SGK1: variants seen among roughly 807,000 people sequenced by gnomAD.
SGK1 encodes the protein serine/threonine-protein kinase Sgk1.
Under a neutral mutation model 64.2 loss-of-function variants are expected in SGK1, and 26 were observed. The observed-to-expected ratio is 0.40, with a 90% CI of 0.30 to 0.56. The LOEUF is 0.56. Ranked by LOEUF, SGK1 falls within the 20% of genes least tolerant of loss-of-function variation. The pLI is 0.38. For synonymous variants in SGK1, 265 were observed against 239.7 expected (o/e 1.11, Z -0.98); for missense variants, 519 against 645.6 (o/e 0.80, Z 2.12).
chr6:134,272,204 G>A (rs1317175082), intron 1 of SGK1, among the ~76,000 whole-genome samples: 2 of 140,516 alleles, frequency 1.4e-5, no homozygotes, highest in Non-Finnish European at 3.1e-5. Context: ...GCAGTAGTAT[G>A]ATCTCAGCTC....
Position 134,172,689 on chromosome 6 carries a change from T to G in SGK1, c.920A>C (p.Tyr307Ser). ...ATAAACGATGTTCAGTGAATGCAGG[T>G]AGCCCAAGGCACTGGCTATTTCAGC... Reference protein sequence around the residue: ...YAAEIASALGYLHSLNIVYRD... With the variant: ...YAAEIASALGSLHSLNIVYRD... The change falls in exon 9 of 14, where the codon TAC (tyrosine) becomes TCC (serine). Residue 307 changes from tyrosine to serine, a missense_variant. This residue lies in a region of SGK1 where 278 missense variants were observed against 408.7 expected (regional missense o/e 0.68). Transcript: ENST00000367858. 1 of 1,613,406 alleles carries G rather than the reference T, an allele frequency of 6.2e-7. No individual in the cohort carries two copies. The highest frequency in any genetic ancestry group is 8.5e-7 in the Non-Finnish European group (1 of 1,179,296).
Position 134,225,351 on chromosome 6 carries a change from G to A in SGK1, c.286-17920C>T, listed in dbSNP as rs1321970162. 2.5e-3 allele frequency among the ~76,000 whole-genome samples: 249 copies of A among 97,824 alleles called. 3 individuals carry two copies. Among genetic ancestry groups the A allele is most frequent in the African/African-American group, 7.7e-3 (223 of 28,844 alleles). 64.2% of individuals were successfully genotyped at this position (97,824 alleles called of 152,430 possible). Reference sequence around the variant, plus strand: ...GGGTGACAGAGCGAGACTCCATCTCGGAAAAAAAAAAAAAAAAGAAAAGAA... The same window carrying A: ...GGGTGACAGAGCGAGACTCCATCTCAGAAAAAAAAAAAAAAAAGAAAAGAA... On this transcript the variant is annotated intron_variant, in intron 2 of 13. Coordinates refer to ENST00000367858, the MANE Select transcript of SGK1 (RefSeq NM_001143676.3).
chr6:134,182,219 G>T (rs1295015697), intron 3 of SGK1, among the ~76,000 whole-genome samples: 1 of 152,098 alleles, frequency 6.6e-6, no homozygotes, highest in Non-Finnish European at 1.5e-5. Context: ...TGTATAGCGG[G>T]GAGAGTTATA....
chr6:134,174,988 T>C, intron 3 of SGK1: 1 of 1,240,372 alleles, frequency 8.1e-7, no homozygotes, highest in Non-Finnish European at 1.1e-6. Context: ...CCTCGCGGTT[T>C]GCTGGCGGCT....
intron 2 of SGK1, among the ~76,000 whole-genome samples, chr6:134,235,919 A>G (rs1196774429): frequency 6.6e-6 from 1 of 152,068 alleles, no homozygotes; most frequent in Non-Finnish European, 1.5e-5. Context: ...TAAACTGTGA[A>G]CAAGGTATTT....
chr6:134,235,815 T>A (rs1162111924), intron 2 of SGK1, among the ~76,000 whole-genome samples: 1 of 152,080 alleles, frequency 6.6e-6, no homozygotes, highest in Non-Finnish European at 1.5e-5. Flanking sequence ...CCTCAGGTGA[T>A]CCTCTCTCCT....
At chr6:134,233,950 A>T (rs1345829504) in intron 2 of SGK1, among the ~76,000 whole-genome samples, 1 of 152,232 alleles carries the variant, frequency 6.6e-6, no homozygotes, top group Non-Finnish European at 1.5e-5. Context: ...AATTTCTAGA[A>T]ATTCATCTTT....
chr6:134,207,228 G>A lies in SGK1; in HGVS notation c.361+128C>T, dbSNP rs1276657890. 29 of 663,138 alleles carry A rather than the reference G, an allele frequency of 4.4e-5. 1 individual carries two copies. The East Asian group carries it at 7.9e-4, about 18-fold the overall frequency. 41.1% of individuals were successfully genotyped at this position (663,138 alleles called of 1,614,324 possible). On this transcript the variant is annotated intron_variant, in intron 3 of 13. Transcript: ENST00000367858. ...GCAACAGAGCAAGACTCTGTCTCAAGAAAAACAAAAAACAAAAAACAAACA... is the reference window on the plus strand; with the variant it reads ...GCAACAGAGCAAGACTCTGTCTCAAAAAAAACAAAAAACAAAAAACAAACA...
At chr6:134,254,074 GTTTTCTGTCCTAGTCTCTCC>G (rs1218400155) in intron 2 of SGK1, among the ~76,000 whole-genome samples, 48 of 136,744 alleles carry the variant, frequency 3.5e-4, no homozygotes, top group African/African-American at 1.3e-3. Context: ...GGGCTACAGA[GTTTTCTGTCCTAGTCTCTCC>G]TTTTCTGTCC....
At chr6:134,170,716 T>A in intron 13 of SGK1, 110 bp downstream of exon 13, 2 of 801,050 alleles carry the variant, frequency 2.5e-6, no homozygotes, top group Non-Finnish European at 4.1e-6. Context: ...AACAGGTTTA[T>A]GGAGAAAACA....
rs1375222342 is a variant in SGK1, at chr6:134,291,263, G to C, written c.69+26129C>G. ...TTACTGTAGCAGAGCGGTGGATGTAGGCATTAGTTACACACTTAAAATAAA... is the reference window on the plus strand; with the variant it reads ...TTACTGTAGCAGAGCGGTGGATGTACGCATTAGTTACACACTTAAAATAAA... On this transcript the variant is annotated intron_variant, in intron 1 of 13. Coordinates refer to ENST00000367858, the MANE Select transcript of SGK1 (RefSeq NM_001143676.3). Among the ~76,000 whole-genome samples the C allele has an allele frequency of 3.3e-5, 5 of 152,232 alleles. No individual in the cohort carries two copies. In the East Asian group the frequency reaches 9.7e-4, roughly 29 times the overall value.
intron 1 of SGK1, among the ~76,000 whole-genome samples, chr6:134,313,455 T>C (rs755843753): frequency 9.9e-5 from 15 of 152,262 alleles, no homozygotes; most frequent in Non-Finnish European, 2.2e-4. Flanking sequence ...TTCATGAAGA[T>C]AAAACATGGT....
intron 2 of SGK1, among the ~76,000 whole-genome samples, chr6:134,222,663 T>C (rs913040198): frequency 6.6e-6 from 1 of 152,134 alleles, no homozygotes; most frequent in South Asian, 2.1e-4. Flanking sequence ...TGACTGGCTG[T>C]TTTCATCTTT....
intron 3 of SGK1, among the ~76,000 whole-genome samples, chr6:134,194,956 TAC>T (rs1775574900): frequency 6.6e-6 from 1 of 152,216 alleles, no homozygotes; most frequent in Non-Finnish European, 1.5e-5. Flanking sequence ...TAACTTTTGC[TAC>T]AGTTAAAATC....
At chr6:134,231,606 CAAAT>C (rs1285308318) in intron 2 of SGK1, among the ~76,000 whole-genome samples, 3 of 152,176 alleles carry the variant, frequency 2.0e-5, no homozygotes, top group Non-Finnish European at 2.9e-5. Flanking sequence ...TAATTTATCT[CAAAT>C]AAATAATTCA....
In SGK1 at chr6:134,259,100, C is replaced by T. The variant is rs78125886; in HGVS notation, c.285+2833G>A. ...CGATTGCAAATTGGAGAATGATTTACCTGCTATCTAAGATAAAGGAAAAGG... is the reference window on the plus strand; with the variant it reads ...CGATTGCAAATTGGAGAATGATTTATCTGCTATCTAAGATAAAGGAAAAGG... On this transcript the variant is annotated intron_variant, in intron 2 of 13. Transcript: ENST00000367858. Among the ~76,000 whole-genome samples, 23 of 152,318 alleles carry T rather than the reference C, an allele frequency of 1.5e-4. No homozygotes were observed. The East Asian group carries it at 4.0e-3, about 27-fold the overall frequency.
chr6:134,216,637 G>A (rs1460174747), intron 2 of SGK1, among the ~76,000 whole-genome samples: 1 of 152,174 alleles, frequency 6.6e-6, no homozygotes, highest in Admixed American at 6.6e-5. Context: ...TTTGGATTGA[G>A]GAGCAGAACA....
rs552742561 is a variant in SGK1, at chr6:134,175,773, AAAAC to A, written c.362-1191_362-1188del. ...GGCAAGATTTCCTGCCCCGAGTCCC[AAAAC>A]AAACAAATGGCCCTTGTGCACGGTC... On this transcript the variant is annotated intron_variant, in intron 3 of 13. Transcript: ENST00000367858. 317 of 1,333,660 alleles carry A rather than the reference AAAAC, an allele frequency of 2.4e-4. 2 individuals carry two copies. The highest frequency in any genetic ancestry group is 2.3e-3 in the East Asian group (75 of 32,336). The allele number at this position is 1,333,660 out of a possible 1,614,324, so 82.6% of individuals were successfully genotyped here. A position where few individuals can be genotyped will look rare whatever the true frequency, so the allele number is the denominator to read the frequency against.
intron 1 of SGK1, among the ~76,000 whole-genome samples, chr6:134,303,530 TCTC>T (rs1285695348): frequency 6.6e-6 from 1 of 151,942 alleles, no homozygotes; most frequent in African/African-American, 2.4e-5. Context: ...TTAATGTTCT[TCTC>T]CTGTAAATGT....
Sources: gnomAD v4.1 joint callset for allele counts (sites outside exome capture counted in the v4.1 genomes callset) on GRCh38, gnomAD v4.1.1 for gene constraint, gnomAD v4.1.1 regional missense constraint, MANE v1.5 for transcripts, NCBI Gene and HGNC (gene_info 2026-07-23, HGNC 2026-07-21) for gene names.